The following GABRA2 variants were observed in gnomAD, a reference collection of about 807,000 sequenced individuals.
GABRA2 encodes the protein gamma-aminobutyric acid type A receptor subunit alpha2.
GABRA2 carries 16 observed loss-of-function variants against 48.7 expected under a neutral mutation model. That is an observed-to-expected ratio of 0.33 (90% CI 0.22 to 0.50). GABRA2 has a LOEUF of 0.50. GABRA2 is among the 20% of genes least tolerant of loss of function. The pLI is 0.98. For missense variants in GABRA2, 275 were observed against 535.6 expected (o/e 0.51, Z 4.80); for synonymous variants, 185 against 184.5 (o/e 1.00, Z -0.02).
chr4:46,369,765 G>A (rs1303487276), intron 3 of GABRA2, among the ~76,000 whole-genome samples: 1 of 152,080 alleles, frequency 6.6e-6, no homozygotes, highest in South Asian at 2.1e-4. Context: ...TCCAATAGAT[G>A]TATGATAGAA....
chr4:46,288,949 GA>G (rs1178909097), intron 8 of GABRA2, among the ~76,000 whole-genome samples: 2 of 151,748 alleles, frequency 1.3e-5, no homozygotes, highest in Non-Finnish European at 2.9e-5. Flanking sequence ...ACAATCATAT[GA>G]AAAAAACTTA....
chr4:46,358,860 G>T lies in GABRA2; in HGVS notation c.188-26178C>A, dbSNP rs78470659. ...GTAGAATTTGTCCATTTGGATACTTGACTAACCATCTGTGATCAAGCCATT... is the reference window on the plus strand; with the variant it reads ...GTAGAATTTGTCCATTTGGATACTTTACTAACCATCTGTGATCAAGCCATT... On this transcript the variant is annotated intron_variant, in intron 3 of 9. Transcript: ENST00000381620. Among the ~76,000 whole-genome samples, 978 of 152,228 alleles carry T rather than the reference G, an allele frequency of 6.4e-3. 10 individuals are homozygous for T. The highest frequency in any genetic ancestry group is 0.022 in the African/African-American group (930 of 41,552).
intron 8 of GABRA2, among the ~76,000 whole-genome samples, chr4:46,279,157 T>G (rs1272878506): frequency 1.3e-5 from 2 of 152,090 alleles, no homozygotes; most frequent in Non-Finnish European, 2.9e-5. Context: ...TAAATTTAAT[T>G]TATTTTCTGT....
chr4:46,318,367 T>C (rs866648084), intron 4 of GABRA2, among the ~76,000 whole-genome samples: 3 of 151,328 alleles, frequency 2.0e-5, no homozygotes, highest in South Asian at 2.1e-4. Flanking sequence ...TATAGCTGAC[T>C]AACCAGTTTT....
chr4:46,373,553 T>C (rs1715255287), intron 3 of GABRA2, among the ~76,000 whole-genome samples: 1 of 152,178 alleles, frequency 6.6e-6, no homozygotes, highest in Admixed American at 6.5e-5. Flanking sequence ...TTACTAATAA[T>C]ATGGTTCTAT....
intron 4 of GABRA2, among the ~76,000 whole-genome samples, chr4:46,321,636 A>T (rs1052374931): frequency 4.6e-5 from 7 of 152,194 alleles, no homozygotes; most frequent in Non-Finnish European, 8.8e-5. Context: ...ACCTTTCTTT[A>T]TATCAGTTGA....
intron 8 of GABRA2, among the ~76,000 whole-genome samples, chr4:46,288,808 C>A (rs890955581): frequency 6.6e-6 from 1 of 151,924 alleles, no homozygotes; most frequent in Non-Finnish European, 1.5e-5. Context: ...TTTTTGCAAA[C>A]TATGCATCTG....
intron 3 of GABRA2, among the ~76,000 whole-genome samples, chr4:46,375,470 A>G (rs1715554838): frequency 6.6e-6 from 1 of 152,128 alleles, no homozygotes; most frequent in Non-Finnish European, 1.5e-5. Context: ...GTTTTTCTAA[A>G]GAAGATAATT....
chr4:46,350,698 C>T (rs1404077723), intron 3 of GABRA2, among the ~76,000 whole-genome samples: 1 of 151,650 alleles, frequency 6.6e-6, no homozygotes, highest in Admixed American at 6.6e-5. Context: ...TTCTTTCTTA[C>T]GTCCTTTCTG....
rs1452514860 is a variant in GABRA2 at position 46,389,895 on chromosome 4, G to T, written c.-171C>A. ...TGCAGCAGCCAAGAGAGCGTGGAGC[G>T]ATGGGCTGGTGGAAGCCGGAGAGGA... On this transcript the variant is annotated 5_prime_UTR_variant, in exon 1 of 10. Coordinates refer to ENST00000381620, the MANE Select transcript of GABRA2 (RefSeq NM_000807.4). 3 of 984,026 alleles carry T rather than the reference G, an allele frequency of 3.0e-6. No homozygotes were observed. The South Asian group carries it at 1.4e-4, about 46-fold the overall frequency. The allele number at this position is 984,026 out of a possible 1,614,324, so 61.0% of individuals were successfully genotyped here. A position where few individuals can be genotyped will look rare whatever the true frequency, so the allele number is the denominator to read the frequency against.
chr4:46,309,228 G>C lies in GABRA2; in HGVS notation c.559+945C>G, dbSNP rs762522925. ...AAGTATGATCATCAAAATAATTAGA[G>C]GGTTTTGCATTCATATGAGCCACCA... On this transcript the variant is annotated intron_variant, in intron 6 of 9. Coordinates refer to ENST00000381620, the MANE Select transcript of GABRA2 (RefSeq NM_000807.4). Among the ~76,000 whole-genome samples, 64 of 152,244 alleles carry C rather than the reference G, an allele frequency of 4.2e-4. 1 individual carries two copies. Among genetic ancestry groups the C allele is most frequent in the Non-Finnish European group, 7.6e-4 (52 of 68,012 alleles).
At chr4:46,304,023 T>G (rs965853253) in intron 7 of GABRA2, among the ~76,000 whole-genome samples, 6 of 151,316 alleles carry the variant, frequency 4.0e-5, no homozygotes, top group Admixed American at 6.6e-5. Context: ...GGTTTTTTTG[T>G]TTTTTTTTAA....
At chr4:46,326,205 G>A (rs1730345341) in intron 4 of GABRA2, among the ~76,000 whole-genome samples, 1 of 151,860 alleles carries the variant, frequency 6.6e-6, no homozygotes, top group Non-Finnish European at 1.5e-5. Flanking sequence ...TGTGACCTTA[G>A]AAAACCAAGA....
intron 4 of GABRA2, among the ~76,000 whole-genome samples, chr4:46,331,760 G>T (rs1433033450): frequency 6.6e-6 from 1 of 152,008 alleles, no homozygotes; most frequent in African/African-American, 2.4e-5. Flanking sequence ...TGGAGACAGG[G>T]TCTCACTCTC....
chr4:46,281,980 G>T (rs1049694710), intron 8 of GABRA2, among the ~76,000 whole-genome samples: 5 of 152,164 alleles, frequency 3.3e-5, no homozygotes, highest in Admixed American at 1.3e-4. Flanking sequence ...CAGACGGAAG[G>T]GTTGGCAATA....
chr4:46,330,553 T>C (rs1051683053), intron 4 of GABRA2, among the ~76,000 whole-genome samples: 2 of 117,784 alleles, frequency 1.7e-5, no homozygotes, highest in African/African-American at 3.3e-5. Flanking sequence ...CATTTATGTA[T>C]GTATATATGC....
At chr4:46,313,214 AAAAAATT>A (rs1262868897) in intron 4 of GABRA2, among the ~76,000 whole-genome samples, 6 of 150,980 alleles carry the variant, frequency 4.0e-5, no homozygotes, top group Non-Finnish European at 8.9e-5. Flanking sequence ...AAGAAAAATT[AAAAAATT>A]AAAAAGAAAA....
In GABRA2 at chr4:46,265,435, T is replaced by TA. The variant is rs1400913392; in HGVS notation, c.857-3308dup. ...ATATATAATATATTGTGTATATATA[T>TA]ATAATATATTGTGTATATATATAAT... is the stretch of plus-strand genomic sequence containing the variant. On this transcript the variant is annotated intron_variant, in intron 8 of 9. Transcript: ENST00000381620. Among the ~76,000 whole-genome samples the TA allele has an allele frequency of 2.9e-4, 41 of 143,188 alleles. 1 individual carries two copies. Among genetic ancestry groups the TA allele is most frequent in the African/African-American group, 1.1e-3 (40 of 38,022 alleles). The allele number at this position is 143,188 out of a possible 152,430, so 93.9% of individuals were successfully genotyped here.
intron 4 of GABRA2, among the ~76,000 whole-genome samples, chr4:46,320,152 G>A (rs1729209816): frequency 6.6e-6 from 1 of 151,844 alleles, no homozygotes; most frequent in African/African-American, 2.4e-5. Flanking sequence ...GAAGAACTAA[G>A]TTGTAGGGCT....
Sources: gnomAD v4.1 joint callset for allele counts (sites outside exome capture counted in the v4.1 genomes callset) on GRCh38, gnomAD v4.1.1 for gene constraint, MANE v1.5 for transcripts, NCBI Gene and HGNC (gene_info 2026-07-23, HGNC 2026-07-21) for gene names.